XPR1: variants seen among roughly 807,000 people sequenced by gnomAD.
The protein encoded by XPR1 is xenotropic and polytropic retrovirus receptor 1.
In XPR1, 28 loss-of-function variants were observed where a neutral mutation model predicts 87.5. The ratio of observed to expected loss-of-function variants is 0.32; its 90% CI spans 0.24 to 0.44. The LOEUF (loss-of-function observed/expected upper bound fraction) is 0.44. Ranked by LOEUF, XPR1 falls within the 20% of genes least tolerant of loss-of-function variation. XPR1 has a pLI of 1.00. For missense variants in XPR1, 559 were observed against 862.3 expected, an observed-to-expected ratio of 0.65 and a Z score of 4.41; for synonymous variants, 300 against 306.1, an observed-to-expected ratio of 0.98 and a Z score of 0.21.
intron 6 of XPR1, among the ~76,000 whole-genome samples, chr1:180,808,330 A>G (rs981632313): frequency 8.6e-5 from 13 of 151,980 alleles, no homozygotes; most frequent in Non-Finnish European, 2.9e-5. Flanking sequence ...TTCACAACAT[A>G]CAGTTCTAAA....
chr1:180,810,778 T>C (rs1297719978), intron 6 of XPR1, among the ~76,000 whole-genome samples: 1 of 151,284 alleles, frequency 6.6e-6, no homozygotes, highest in African/African-American at 2.4e-5. Context: ...AACTCATATG[T>C]ATATATATAT....
intron 1 of XPR1, among the ~76,000 whole-genome samples, chr1:180,651,108 CT>C (rs111392505): frequency 2.1e-3 from 303 of 142,486 alleles, no homozygotes; most frequent in Non-Finnish European, 1.9e-3. Context: ...GAATCCATTT[CT>C]TTTTTTTTTT....
intron 2 of XPR1, among the ~76,000 whole-genome samples, chr1:180,705,597 A>G (rs911088028): frequency 3.3e-5 from 5 of 152,220 alleles, no homozygotes; most frequent in African/African-American, 1.2e-4. Flanking sequence ...ATTTTAAAGG[A>G]TACATCAAAA....
intron 1 of XPR1, among the ~76,000 whole-genome samples, chr1:180,641,480 G>C (rs1654959277): frequency 6.6e-6 from 1 of 152,104 alleles, no homozygotes; most frequent in African/African-American, 2.4e-5. Flanking sequence ...TTTGTACAGA[G>C]TAAGAAAACC....
At chr1:180,769,085 A>C (rs997182605) in intron 2 of XPR1, among the ~76,000 whole-genome samples, 1 of 152,038 alleles carries the variant, frequency 6.6e-6, no homozygotes, top group Admixed American at 6.6e-5. Flanking sequence ...TTTTAACTCA[A>C]TATTTTTTCG....
intron 2 of XPR1, among the ~76,000 whole-genome samples, chr1:180,773,378 G>A (rs75552464): frequency 0.056 from 8,459 of 152,272 alleles, 320 homozygotes; most frequent in Non-Finnish European, 0.085. Flanking sequence ...AATTAAAGCT[G>A]AAGAGAAGTA....
At chr1:180,678,801 A>G (rs1656456399) in intron 1 of XPR1, among the ~76,000 whole-genome samples, 1 of 152,232 alleles carries the variant, frequency 6.6e-6, no homozygotes, top group African/African-American at 2.4e-5. Context: ...CTTGGGAAGA[A>G]TATAATTTAC....
chr1:180,763,348 A>C (rs1236619301), intron 2 of XPR1, among the ~76,000 whole-genome samples: 1 of 152,200 alleles, frequency 6.6e-6, no homozygotes, highest in Non-Finnish European at 1.5e-5. Flanking sequence ...CTGGCCTGTG[A>C]CTATTTTCAA....
At chr1:180,809,614 T>C (rs375364916) in intron 6 of XPR1, among the ~76,000 whole-genome samples, 63 of 152,258 alleles carry the variant, frequency 4.1e-4, no homozygotes, top group African/African-American at 1.4e-3. Flanking sequence ...AATTAGGGTG[T>C]TTAAGAATGC....
At chr1:180,878,598 T>G (rs537814881) in intron 13 of XPR1, among the ~76,000 whole-genome samples, 1 of 152,322 alleles carries the variant, frequency 6.6e-6, no homozygotes, top group South Asian at 2.1e-4. Context: ...CACTGAAGCA[T>G]AGGTTAAGTA....
intron 2 of XPR1, among the ~76,000 whole-genome samples, chr1:180,777,204 TTC>T (rs1558003225): frequency 6.6e-6 from 1 of 152,204 alleles, no homozygotes; most frequent in Non-Finnish European, 1.5e-5. Context: ...ATTTTTTCAC[TTC>T]TCTGTCTCCA....
At position 180,803,693 on chromosome 1, in the gene XPR1, C is replaced by T. The variant is rs1649879252; in HGVS notation, c.447+82C>T. On this transcript the variant is annotated intron_variant, in intron 4 of 14. Coordinates refer to ENST00000367590, the MANE Select transcript of XPR1 (RefSeq NM_004736.4). Reference sequence around the variant, plus strand: ...AAATGGAAGTACCCTAAAGTATTACCAGTGGGTCAGTTCCAAAAAGGAAAA... The same window carrying T: ...AAATGGAAGTACCCTAAAGTATTACTAGTGGGTCAGTTCCAAAAAGGAAAA... 4.1e-6 allele frequency: 5 copies of T among 1,206,336 alleles called. No homozygotes were observed. The Admixed American group carries it at 8.9e-5, about 21-fold the overall frequency. 74.7% of individuals were successfully genotyped at this position (1,206,336 alleles called of 1,614,324 possible).
chr1:180,811,272 A>T (rs1650203107), intron 6 of XPR1, 135 bp from the exon 7 acceptor site: 2 of 742,220 alleles, frequency 2.7e-6, no homozygotes, highest in Non-Finnish European at 4.3e-6. Context: ...TCTGGTTCAG[A>T]TTTATAAAAA....
At chr1:180,818,514 G>T (rs1198860181) in intron 7 of XPR1, among the ~76,000 whole-genome samples, 1 of 151,966 alleles carries the variant, frequency 6.6e-6, no homozygotes, top group Non-Finnish European at 1.5e-5. Flanking sequence ...TTATAGTGTT[G>T]CTGTGAGAAC....
At chr1:180,767,461 C>G (rs190149336) in intron 2 of XPR1, among the ~76,000 whole-genome samples, 5 of 152,234 alleles carry the variant, frequency 3.3e-5, no homozygotes, top group Admixed American at 3.3e-4. Context: ...AATACATAAA[C>G]TGGTGATCCT....
chr1:180,820,559 T>C (rs374236963), intron 7 of XPR1, among the ~76,000 whole-genome samples: 1 of 152,228 alleles, frequency 6.6e-6, no homozygotes, highest in South Asian at 2.1e-4. Flanking sequence ...ATCTTTTGGC[T>C]ATTGTGAATG....
chr1:180,751,923 A>C (rs1320401452), intron 2 of XPR1, among the ~76,000 whole-genome samples: 1 of 152,144 alleles, frequency 6.6e-6, no homozygotes, highest in Non-Finnish European at 1.5e-5. Context: ...AGGAGGAAGG[A>C]GAAAGGAAGA....
intron 11 of XPR1, among the ~76,000 whole-genome samples, chr1:180,861,637 T>C (rs1652224124): frequency 6.6e-6 from 1 of 152,096 alleles, no homozygotes; most frequent in Non-Finnish European, 1.5e-5. Flanking sequence ...AAAATGTGAT[T>C]ATATCAGAGC....
intron 2 of XPR1, among the ~76,000 whole-genome samples, chr1:180,716,250 G>T (rs1466281505): frequency 2.0e-5 from 3 of 151,740 alleles, no homozygotes; most frequent in African/African-American, 7.3e-5. Context: ...ACCATGCCTG[G>T]CTAGTTTTTT....
Sources: allele counts gnomAD v4.1 joint callset (sites outside exome capture counted in the v4.1 genomes callset), GRCh38; gene constraint gnomAD v4.1.1; transcripts MANE v1.5; gene names NCBI Gene and HGNC (gene_info 2026-07-23, HGNC 2026-07-21).